TNNT3: variants seen among roughly 807,000 people sequenced by gnomAD.
The protein encoded by TNNT3 is troponin T3, fast skeletal type.
A neutral mutation model predicts 54.2 loss-of-function variants in TNNT3; 36 were observed. That is an observed-to-expected ratio of 0.66 (90% CI 0.51 to 0.88). The LOEUF (loss-of-function observed/expected upper bound fraction) is 0.88. TNNT3 is among the 40% of genes least tolerant of loss of function. TNNT3 has a pLI of 0.00. For synonymous variants in TNNT3, 120 were observed against 109.7 expected (o/e 1.09, Z -0.59); for missense variants, 291 against 331.6 (o/e 0.88, Z 0.95).
chr11:1,929,689 G>C (rs1852748897), intron 7 of TNNT3, 121 bp from the exon 8 acceptor site: 1 of 1,092,918 alleles, frequency 9.1e-7, no homozygotes, highest in Non-Finnish European at 1.4e-6. Context: ...CAGCTGAAAA[G>C]GACGGTGGCC....
In TNNT3 at chr11:1,922,846, T is replaced by C. The variant is rs1422354038; in HGVS notation, c.-18-11T>C. 3 of 1,611,758 alleles carry C rather than the reference T, an allele frequency of 1.9e-6. No individual in the cohort carries two copies. The highest frequency in any genetic ancestry group is 1.7e-6 in the Non-Finnish European group (2 of 1,179,340). On this transcript the variant is annotated splice_polypyrimidine_tract_variant and intron_variant, in intron 1 of 15. Transcript: ENST00000278317. ...CTCTCTCTCTCTCTCTCTCTGAATC[T>C]CTCTCTGCAGAAACCACCCACCTTC...
chr11:1,934,785 T>A (rs1336783107), intron 13 of TNNT3, 44 bp from the exon 14 acceptor site: 3 of 1,605,802 alleles, frequency 1.9e-6, no homozygotes, highest in South Asian at 1.1e-5. Flanking sequence ...TGGCCCTGCC[T>A]TTGGGGCTTA....
At chr11:1,922,772 AC>A in intron 1 of TNNT3, 84 bp from the exon 2 acceptor site, 1 of 1,389,398 alleles carries the variant, frequency 7.2e-7, no homozygotes, top group Non-Finnish European at 1.0e-6. Context: ...CTGCTCCAAG[AC>A]CCCATCCCCC....
intron 13 of TNNT3, 25 bp downstream of exon 13, chr11:1,934,680 C>A: frequency 6.2e-7 from 1 of 1,602,990 alleles, no homozygotes. Flanking sequence ...TTGTGGGGCT[C>A]AGCCCCACGG....
intron 15 of TNNT3, among the ~76,000 whole-genome samples, chr11:1,937,935 A>G (rs944843788): frequency 6.6e-6 from 1 of 152,076 alleles, no homozygotes; most frequent in Non-Finnish European, 1.5e-5. Flanking sequence ...GCCGCGTCTG[A>G]ATGGGGCCGG....
Position 1,922,693 on chromosome 11 carries a change from G to T in TNNT3, c.-18-164G>T, listed in dbSNP as rs1162894118. 4 of 678,668 alleles carry T rather than the reference G, an allele frequency of 5.9e-6. No homozygotes were observed. In the African/African-American group the frequency reaches 7.0e-5, roughly 12 times the overall value. The allele number at this position is 678,668 out of a possible 1,614,324, so 42.0% of individuals were successfully genotyped here. On this transcript the variant is annotated intron_variant, in intron 1 of 15. Coordinates refer to ENST00000278317, the MANE Select transcript of TNNT3 (RefSeq NM_006757.4). ...GGCCAGGAGCCCTGGAGAAAGGGGA[G>T]GCCCAAGGAGGTGGACTCACCCAAG...
At position 1,925,479 on chromosome 11, in the gene TNNT3, C is replaced by T. The variant is rs978855643; in HGVS notation, c.67+363C>T. 7 of 644,644 alleles carry T rather than the reference C, an allele frequency of 1.1e-5. 1 individual carries two copies. Among genetic ancestry groups the T allele is most frequent in the Admixed American group, 2.4e-5 (1 of 41,824 alleles). The allele number at this position is 644,644 out of a possible 1,614,324, so 39.9% of individuals were successfully genotyped here. A position where few individuals can be genotyped will look rare whatever the true frequency, so the allele number is the denominator to read the frequency against. On this transcript the variant is annotated intron_variant, in intron 5 of 15. Transcript: ENST00000278317. ...AGAATGGGGTCTCGAGGGTGGGCCC[C>T]CTTCCCCACAGCCCCCCAGGCAGTA... is the stretch of plus-strand genomic sequence containing the variant.
intron 15 of TNNT3, among the ~76,000 whole-genome samples, 155 bp downstream of exon 15, chr11:1,937,158 C>T (rs980924959): frequency 2.0e-5 from 3 of 152,150 alleles, no homozygotes; most frequent in South Asian, 2.1e-4. Context: ...CATGCGCAGG[C>T]CTGTGGCCAG....
intron 9 of TNNT3, 105 bp downstream of exon 9, chr11:1,932,619 G>A (rs978939438): frequency 3.0e-5 from 34 of 1,145,692 alleles, no homozygotes; most frequent in Non-Finnish European, 3.9e-5. Context: ...CCAGAGCCGG[G>A]GCCTCCTGGG....
intron 15 of TNNT3, chr11:1,938,225 C>G (rs1018277991): frequency 3.3e-6 from 2 of 609,606 alleles, no homozygotes; most frequent in Non-Finnish European, 6.0e-6. Context: ...GGCTCACGTG[C>G]CAGCCCCCTA....
rs756474134 is a variant in TNNT3, at chr11:1,926,075, AC to A, written c.68-618del. ...CTTGGTGCCACCCGGCCAGGCTACA[AC>A]CTCGCACGTGGGCCTTGGTGCCCCG... On this transcript the variant is annotated intron_variant, in intron 5 of 15. Coordinates refer to ENST00000278317, the MANE Select transcript of TNNT3 (RefSeq NM_006757.4). 1.4e-4 allele frequency among the ~76,000 whole-genome samples: 21 copies of A among 151,764 alleles called. No individual in the cohort carries two copies. The East Asian group carries it at 2.3e-3, about 17-fold the overall frequency.
chr11:1,923,498 C>T (rs1214836940), intron 3 of TNNT3, 57 bp from the exon 4 acceptor site: 2 of 1,596,426 alleles, frequency 1.3e-6, no homozygotes, highest in Non-Finnish European at 8.6e-7. Flanking sequence ...TCCTCCTCCT[C>T]CCTTCACGGG....
intron 15 of TNNT3, 109 bp downstream of exon 15, chr11:1,937,112 GTAACGAGAC>G (rs1855341410): frequency 1.6e-6 from 2 of 1,243,214 alleles, no homozygotes; most frequent in Middle Eastern, 2.6e-4. Flanking sequence ...CGGCAGGGCA[GTAACGAGAC>G]TAACCCGGCC....
At position 1,934,661 on chromosome 11, in the gene TNNT3, G is replaced by C. The variant is rs763416273; in HGVS notation, c.590+6G>C. The C allele has an allele frequency of 7.1e-5, 115 of 1,608,454 alleles. No homozygotes were observed. Among genetic ancestry groups the C allele is most frequent in the Non-Finnish European group, 9.5e-5 (112 of 1,177,964 alleles). ...CTTGGTGAAGACAAACTGAGGTGAG[G>C]GGTGGGTGTTGTGGGGCTCAGCCCC... On this transcript the variant is annotated splice_donor_region_variant and intron_variant, in intron 13 of 15. Transcript: ENST00000278317.
At chr11:1,935,224 C>G (rs1050202739) in intron 14 of TNNT3, 1 of 491,148 alleles carries the variant, frequency 2.0e-6, no homozygotes, top group Non-Finnish European at 3.7e-6. Context: ...GCCAAGTGGA[C>G]TCAGGGTTCA....
rs776036103 is a variant in TNNT3, at chr11:1,937,019, G to A, written c.722+16G>A. ...CCCAGAAGCAGTGAGTAGCCCTGCC[G>A]TCCTCGCTCCGCACTGGGCACAGGG... On this transcript the variant is annotated intron_variant, in intron 15 of 15. Transcript: ENST00000278317. 5.7e-6 allele frequency: 9 copies of A among 1,589,036 alleles called. No individual in the cohort carries two copies. Among genetic ancestry groups the A allele is most frequent in the African/African-American group, 1.3e-5 (1 of 74,712 alleles).
chr11:1,924,034 G>C (rs1216432239), intron 4 of TNNT3, among the ~76,000 whole-genome samples: 1 of 151,578 alleles, frequency 6.6e-6, no homozygotes, highest in Non-Finnish European at 1.5e-5. Flanking sequence ...GTCTCTCTTG[G>C]CAACTTTGTC....
intron 11 of TNNT3, 132 bp downstream of exon 11, chr11:1,934,140 GC>G (rs1854252694): frequency 1.7e-6 from 2 of 1,163,330 alleles, no homozygotes; most frequent in African/African-American, 3.1e-5. Context: ...ACTGGCTAAG[GC>G]CCCGGCGCCC....
intron 1 of TNNT3, 59 bp from the exon 2 acceptor site, chr11:1,922,798 C>G: frequency 6.4e-7 from 1 of 1,550,512 alleles, no homozygotes; most frequent in Non-Finnish European, 8.8e-7. Flanking sequence ...TACACCCAGG[C>G]AGCTCGTAAC....
Sources: allele counts gnomAD v4.1 joint callset (sites outside exome capture counted in the v4.1 genomes callset), GRCh38; gene constraint gnomAD v4.1.1; transcripts MANE v1.5; gene names NCBI Gene and HGNC (gene_info 2026-07-23, HGNC 2026-07-21).